Variants in DTL observed in about 807,000 individuals in gnomAD.
DTL encodes the protein denticleless protein homolog.
A neutral mutation model predicts 87.0 loss-of-function variants in DTL; 46 were observed. The ratio of observed to expected loss-of-function variants is 0.53; its 90% CI spans 0.42 to 0.68. The LOEUF is 0.68. DTL is among the 30% of genes least tolerant of loss of function. DTL has a pLI of 0.00. For synonymous variants in DTL, 308 were observed against 311.2 expected, an observed-to-expected ratio of 0.99 and a Z score of 0.11; for missense variants, 737 against 869.4, an observed-to-expected ratio of 0.85 and a Z score of 1.91.
intron 14 of DTL, among the ~76,000 whole-genome samples, chr1:212,102,157 TA>T (rs2102591107): frequency 6.6e-6 from 1 of 152,328 alleles, no homozygotes; most frequent in Non-Finnish European, 1.5e-5. Flanking sequence ...TGATAGATTT[TA>T]AAGACAACTT....
At chr1:212,085,217 A>G (rs914335209) in intron 13 of DTL, among the ~76,000 whole-genome samples, 19 of 152,182 alleles carry the variant, frequency 1.2e-4, no homozygotes, top group Non-Finnish European at 2.4e-4. Flanking sequence ...CTATATTTAG[A>G]GTTATGTAGT....
rs1655601753 is a variant in DTL at position 212,100,846 on chromosome 1, C to T, written c.1856C>T (p.Ser619Leu). ...SKIEGAGTSISEPPSPISPYA... is the reference protein window; with the variant it reads ...SKIEGAGTSILEPPSPISPYA... ...ATTGAAGGAGCTGGTACCAGTATCT[C>T]AGAGCCTCCGTCTCCTATCAGTCCG... Residue 619 changes from serine to leucine, a missense_variant, in exon 14 of 15, where the codon TCA (serine) becomes TTA (leucine). Coordinates refer to ENST00000366991, the MANE Select transcript of DTL (RefSeq NM_016448.4). The T allele has an allele frequency of 6.2e-7, 1 of 1,614,038 alleles. No individual in the cohort carries two copies. The highest frequency in any genetic ancestry group is 1.7e-5 in the Admixed American group (1 of 60,004).
Position 212,100,574 on chromosome 1 carries a change from A to G in DTL, c.1584A>G (p.Arg528=), listed in dbSNP as rs936140723. The change falls in exon 14 of 15, where the codon AGA becomes AGG. Residue 528 remains arginine (R), a synonymous_variant. Transcript: ENST00000366991. ...PASETKIMSP[R]KALIPVSQKS... ...CGGAGACCAAGATCATGTCTCCGAG[A>G]AAAGCCCTTATTCCTGTGAGCCAGA... 1.2e-6 allele frequency: 2 copies of G among 1,614,050 alleles called. No individual in the cohort carries two copies. The highest frequency in any genetic ancestry group is 3.3e-5 in the Admixed American group (2 of 60,012).
intron 10 of DTL, among the ~76,000 whole-genome samples, chr1:212,071,037 G>T (rs1040414471): frequency 2.0e-5 from 3 of 152,218 alleles, no homozygotes; most frequent in Non-Finnish European, 4.4e-5. Context: ...TTATTTTGCA[G>T]TGATAATAGG....
chr1:212,042,373 C>G (rs1667678680), intron 1 of DTL, among the ~76,000 whole-genome samples: 1 of 152,218 alleles, frequency 6.6e-6, no homozygotes, highest in Non-Finnish European at 1.5e-5. Flanking sequence ...CCCTGACCCA[C>G]TACCACTAGC....
chr1:212,039,970 A>G (rs1397315515), intron 1 of DTL, among the ~76,000 whole-genome samples: 1 of 152,236 alleles, frequency 6.6e-6, no homozygotes, highest in African/African-American at 2.4e-5. Context: ...TAAACACTCT[A>G]TACTTAGGCT....
At chr1:212,084,206 C>CTT (rs112388208) in intron 13 of DTL, among the ~76,000 whole-genome samples, 3 of 48,674 alleles carry the variant, frequency 6.2e-5, no homozygotes, top group African/African-American at 2.6e-4. Context: ...TTTTTCTTTT[C>CTT]TTTTTTTTTT....
chr1:212,052,097 A>G, intron 5 of DTL: 1 of 742,082 alleles, frequency 1.3e-6, no homozygotes, highest in Non-Finnish European at 2.4e-6. Flanking sequence ...TTTCATTGCT[A>G]AAGTTGTTCC....
At chr1:212,068,200 A>G (rs758820071) in intron 8 of DTL, 24 bp from the exon 9 acceptor site, 3 of 1,533,224 alleles carry the variant, frequency 2.0e-6, no homozygotes, top group Non-Finnish European at 2.7e-6. Context: ...GGTCTACAAA[A>G]TATTTATTTG....
chr1:212,058,420 A>G (rs1245751900), intron 5 of DTL, among the ~76,000 whole-genome samples: 3 of 152,186 alleles, frequency 2.0e-5, no homozygotes, highest in Admixed American at 6.5e-5. Flanking sequence ...AACTACAAAT[A>G]CGTGGAAATT....
intron 1 of DTL, among the ~76,000 whole-genome samples, chr1:212,037,562 G>A (rs1290817307): frequency 6.6e-6 from 1 of 152,212 alleles, no homozygotes; most frequent in African/African-American, 2.4e-5. Flanking sequence ...TAGGCTACTT[G>A]ATATAAATAA....
chr1:212,042,935 T>C (rs533678403), intron 1 of DTL, 58 bp from the exon 2 acceptor site: 152 of 1,498,804 alleles, frequency 1.0e-4, no homozygotes, highest in Non-Finnish European at 1.2e-4. Context: ...CTGAATTTGT[T>C]AAAAATGCTG....
chr1:212,047,037 G>C (rs1667827484), intron 3 of DTL, 114 bp from the exon 4 acceptor site: 1 of 869,182 alleles, frequency 1.2e-6, no homozygotes, highest in African/African-American at 1.7e-5. Flanking sequence ...TTTCTCTAAT[G>C]ATCAACTACT....
Position 212,078,216 on chromosome 1 carries a change from C to G in DTL, c.1079C>G (p.Ser360Cys), listed in dbSNP as rs770194745. The G allele has an allele frequency of 1.2e-6, 2 of 1,612,776 alleles. No individual in the cohort carries two copies. The highest frequency in any genetic ancestry group is 2.7e-5 in the African/African-American group (2 of 74,842). Reference sequence around the variant, plus strand: ...CCTCCTACTGTGCTCCTGGGTCATTCTCAAGAGGTCACGTCTGTGTGCTGG... The same window carrying G: ...CCTCCTACTGTGCTCCTGGGTCATTGTCAAGAGGTCACGTCTGTGTGCTGG... The part of the protein sequence containing the change: ...WQPPTVLLGH[S>C]QEVTSVCWCP... Residue 360 changes from serine to cysteine, a missense_variant, in exon 12 of 15, where the codon TCT (serine) becomes TGT (cysteine). Physicochemically the swap from Ser to Cys is moderately radical, Grantham distance 112. Transcript: ENST00000366991.
intron 5 of DTL, among the ~76,000 whole-genome samples, chr1:212,060,562 C>CTT (rs1370099859): frequency 2.0e-5 from 3 of 151,866 alleles, no homozygotes; most frequent in African/African-American, 7.3e-5. Flanking sequence ...ATGGCAAAAC[C>CTT]CCACCTCTAC....
At chr1:212,050,283 C>A in intron 5 of DTL, among the ~76,000 whole-genome samples, 1 of 152,202 alleles carries the variant, frequency 6.6e-6, no homozygotes, top group Middle Eastern at 3.4e-3. Context: ...CATCTTTGGT[C>A]CAGTTCCTTC....
At chr1:212,062,987 T>C (rs369483256) in intron 6 of DTL, 38 bp downstream of exon 6, 68 of 1,492,562 alleles carry the variant, frequency 4.6e-5, no homozygotes, top group Non-Finnish European at 6.1e-5. Flanking sequence ...AGATTTGGGA[T>C]TACCCTGTAC....
chr1:212,095,153 G>C (rs1000535844), intron 13 of DTL, among the ~76,000 whole-genome samples: 1 of 152,116 alleles, frequency 6.6e-6, no homozygotes, highest in Non-Finnish European at 1.5e-5. Context: ...GTGAAAGTGG[G>C]CATCCTTGTC....
intron 11 of DTL, among the ~76,000 whole-genome samples, chr1:212,072,778 T>A (rs12058059): frequency 0.037 from 5,327 of 142,378 alleles, 155 homozygotes; most frequent in African/African-American, 0.076. Context: ...TTTTTTTTTT[T>A]ATTGAGATGG....
Sources: gnomAD v4.1 joint callset for allele counts (sites outside exome capture counted in the v4.1 genomes callset) on GRCh38, gnomAD v4.1.1 for gene constraint, MANE v1.5 for transcripts, NCBI Gene and HGNC (gene_info 2026-07-23, HGNC 2026-07-21) for gene names.